IQCK: variants seen among roughly 807,000 people sequenced by gnomAD.
IQCK encodes the protein IQ domain-containing protein K.
Under a neutral mutation model 28.1 loss-of-function variants are expected in IQCK, and 29 were observed. That is an observed-to-expected ratio of 1.03 (90% CI 0.77 to 1.41). The LOEUF (loss-of-function observed/expected upper bound fraction) is 1.41, where lower values mean the gene tolerates loss of function less well. Among genes scored for constraint, IQCK ranks in the 40% most tolerant of loss-of-function variants. The pLI, the probability that IQCK is intolerant of heterozygous loss-of-function variation, is 0.00. For missense variants in IQCK, 359 were observed against 314.7 expected (o/e 1.14, Z -1.07); for synonymous variants, 113 against 115.1 (o/e 0.98, Z 0.12).
Position 19,813,358 on chromosome 16 carries a change from G to C in IQCK, c.691-13668G>C, listed in dbSNP as rs192338359. Among the ~76,000 whole-genome samples the C allele has an allele frequency of 4.6e-5, 7 of 152,218 alleles. No homozygotes were observed. The East Asian group carries it at 1.3e-3, about 29-fold the overall frequency. ...CATGAATCTTGAACTAGATAAATAA[G>C]GACAAAACAATACCAAAATGCTTCA... On this transcript the variant is annotated intron_variant, in intron 7 of 7. Coordinates refer to ENST00000564186, the Ensembl canonical transcript of IQCK.
exon 10 of IQCK, chr16:19,857,593 A>C: frequency 2.9e-6 from 1 of 348,704 alleles, no homozygotes. Context: ...GAACTCCTGT[A>C]AGCTGGTATC....
chr16:19,748,609 A>G (rs1393034246), intron 4 of IQCK, among the ~76,000 whole-genome samples: 8 of 152,144 alleles, frequency 5.3e-5, no homozygotes, highest in South Asian at 2.1e-4. Context: ...AAAAGAGCCA[A>G]CCTGTAAAGG....
intron 6 of IQCK, among the ~76,000 whole-genome samples, chr16:19,776,434 G>A (rs1003101735): frequency 3.3e-5 from 5 of 152,124 alleles, no homozygotes; most frequent in African/African-American, 7.2e-5. Flanking sequence ...TCCTGGGCAC[G>A]GTGGCCACGC....
intron 4 of IQCK, among the ~76,000 whole-genome samples, chr16:19,740,140 A>G (rs1005849220): frequency 6.6e-6 from 1 of 152,130 alleles, no homozygotes; most frequent in African/African-American, 2.4e-5. Flanking sequence ...ATTCATAGCT[A>G]TTTTCTGAAG....
At chr16:19,854,869 A>G (rs1238970383) in intron 9 of IQCK, among the ~76,000 whole-genome samples, 1 of 152,172 alleles carries the variant, frequency 6.6e-6, no homozygotes, top group Non-Finnish European at 1.5e-5. Context: ...GTCTAGAAGC[A>G]CATAGGGTTT....
At chr16:19,723,140 G>T (rs1349665355) in intron 1 of IQCK, among the ~76,000 whole-genome samples, 1 of 121,884 alleles carries the variant, frequency 8.2e-6, no homozygotes, top group Non-Finnish European at 1.6e-5. Context: ...CATGTCTGCT[G>T]CCTTAGATCA....
At position 19,763,870 on chromosome 16, in the gene IQCK, C is replaced by T. The variant is rs773944844; in HGVS notation, c.497C>T (p.Ala166Val). ...CAGAGGAAAAGAACCAAATTCATTG[C>T]CTGTGATTTTCTGACTGAGTGGTTA... Residue 166 changes from alanine (A) to valine (V), a missense_variant, in exon 5 of 8, where the codon GCC becomes GTC. Coordinates refer to ENST00000564186, the Ensembl canonical transcript of IQCK. 20 of 1,613,390 alleles carry T rather than the reference C, an allele frequency of 1.2e-5. No homozygotes were observed. The highest frequency in any genetic ancestry group is 1.7e-5 in the Admixed American group (1 of 59,996).
chr16:19,855,294 C>T (rs915161244), intron 9 of IQCK, among the ~76,000 whole-genome samples: 4 of 152,098 alleles, frequency 2.6e-5, no homozygotes, highest in African/African-American at 9.7e-5. Flanking sequence ...CCACCTCCAT[C>T]AGAAAATAAC....
chr16:19,724,007 A>T (rs1030933259), intron 1 of IQCK, among the ~76,000 whole-genome samples: 3 of 150,974 alleles, frequency 2.0e-5, no homozygotes, highest in Non-Finnish European at 4.4e-5. Flanking sequence ...TCCTGCCCTG[A>T]TGGGCCAGAC....
chr16:19,759,181 T>C (rs2151705388), intron 4 of IQCK, among the ~76,000 whole-genome samples: 1 of 152,318 alleles, frequency 6.6e-6, no homozygotes, highest in East Asian at 1.9e-4. Flanking sequence ...TCACCTGCTC[T>C]GTCCAGTGCA....
chr16:19,742,012 T>C (rs1858975), intron 4 of IQCK, among the ~76,000 whole-genome samples: 51,305 of 151,888 alleles, frequency 0.34, 13,482 homozygotes, highest in African/African-American at 0.74. Flanking sequence ...AACAACAAAC[T>C]TGTTCACTTA....
At chr16:19,853,045 A>G (rs981875783) in intron 9 of IQCK, among the ~76,000 whole-genome samples, 1 of 152,290 alleles carries the variant, frequency 6.6e-6, no homozygotes, top group Non-Finnish European at 1.5e-5. Context: ...GCTGATGGAC[A>G]TTTGGGTTGT....
chr16:19,753,263 T>C (rs80051405), intron 4 of IQCK, among the ~76,000 whole-genome samples: 1 of 148,264 alleles, frequency 6.7e-6, no homozygotes, highest in Non-Finnish European at 1.5e-5. Context: ...AAAAAAAAAA[T>C]TTTTGAAAAT....
intron 4 of IQCK, among the ~76,000 whole-genome samples, chr16:19,750,418 C>T (rs999919648): frequency 1.3e-5 from 2 of 150,684 alleles, no homozygotes; most frequent in Non-Finnish European, 1.5e-5. Flanking sequence ...TGAACCATTG[C>T]GCCTGGCCTA....
At chr16:19,761,342 T>G (rs1403470955) in intron 4 of IQCK, 20 of 450,618 alleles carry the variant, frequency 4.4e-5, no homozygotes, top group Non-Finnish European at 8.0e-5. Flanking sequence ...GGTCTCCTGC[T>G]GGTACCACCC....
At chr16:19,827,933 A>G (rs1348338176), downstream of IQCK, among the ~76,000 whole-genome samples, 3 of 150,922 alleles carry the variant, frequency 2.0e-5, no homozygotes, top group African/African-American at 7.3e-5. Flanking sequence ...TTTTTTTGAG[A>G]CAGAGTCTCA....
At chr16:19,833,132 C>G (rs1383203746) in intron 9 of IQCK, among the ~76,000 whole-genome samples, 1 of 152,174 alleles carries the variant, frequency 6.6e-6, no homozygotes, top group Non-Finnish European at 1.5e-5. Flanking sequence ...AATCTGCTCT[C>G]TTACCAATTT....
At chr16:19,821,218 TG>T (rs1165538893) in intron 7 of IQCK, among the ~76,000 whole-genome samples, 1 of 151,956 alleles carries the variant, frequency 6.6e-6, no homozygotes, top group Non-Finnish European at 1.5e-5. Flanking sequence ...GAAATTTAAA[TG>T]TAAAATTAAA....
chr16:19,724,211 G>A (rs932791126), intron 1 of IQCK, among the ~76,000 whole-genome samples: 6 of 152,116 alleles, frequency 3.9e-5, no homozygotes, highest in African/African-American at 1.2e-4. Flanking sequence ...CAGTCCACGT[G>A]GCCCCTCTTC....
Sources: gnomAD v4.1 joint callset for allele counts (sites outside exome capture counted in the v4.1 genomes callset) on GRCh38, gnomAD v4.1.1 for gene constraint, MANE v1.5 for transcripts, NCBI Gene and HGNC (gene_info 2026-07-23, HGNC 2026-07-21) for gene names.